The following KLHL14 variants were observed in gnomAD, a reference collection of about 807,000 sequenced individuals.
KLHL14 encodes kelch-like protein 14.
Under a neutral mutation model 64.3 loss-of-function variants are expected in KLHL14, and 22 were observed. The ratio of observed to expected loss-of-function variants is 0.34; its 90% CI spans 0.24 to 0.49. The LOEUF is 0.49. Ranked by LOEUF, KLHL14 falls within the 20% of genes least tolerant of loss-of-function variation. The pLI, the probability that KLHL14 is intolerant of heterozygous loss-of-function variation, is 0.99. For synonymous variants in KLHL14, 322 were observed against 333.4 expected (o/e 0.97, Z 0.37); for missense variants, 661 against 789.0 (o/e 0.84, Z 1.94).
chr18:32,692,149 A>T (rs1452979727), intron 4 of KLHL14, among the ~76,000 whole-genome samples: 2 of 152,104 alleles, frequency 1.3e-5, no homozygotes, highest in African/African-American at 2.4e-5. Context: ...TGAGTAGAAA[A>T]CCTTATGTGT....
rs201119339 is a variant in KLHL14, at chr18:32,720,684, A to AT, written c.1069+21243dup. Among the ~76,000 whole-genome samples the AT allele has an allele frequency of 2.3e-3, 323 of 139,672 alleles. 3 individuals carry two copies. The highest frequency in any genetic ancestry group is 7.7e-3 in the African/African-American group (298 of 38,646). 91.6% of individuals were successfully genotyped at this position (139,672 alleles called of 152,430 possible). A position where few individuals can be genotyped will look rare whatever the true frequency, so the allele number is the denominator to read the frequency against. On this transcript the variant is annotated intron_variant, in intron 3 of 8. Transcript: ENST00000359358. ...CACTAATGCTTCAAGAGTAACTAGA[A>AT]TAAAAAAGGCATCCAGGAAGTTACA... is the stretch of plus-strand genomic sequence containing the variant.
chr18:32,750,297 C>T (rs2050244872), intron 2 of KLHL14, among the ~76,000 whole-genome samples: 1 of 152,086 alleles, frequency 6.6e-6, no homozygotes, highest in South Asian at 2.1e-4. Context: ...TTTACCAGAT[C>T]TGTTATGCCT....
In KLHL14 at chr18:32,735,805, C is replaced by T. The variant is rs1390738760; in HGVS notation, c.1069+6123G>A. Reference sequence around the variant, plus strand: ...CATGGTGATATTTGTTTTGGCTCAGCGTGGTATCCTCTGTGCTTAGCACAA... The same window carrying T: ...CATGGTGATATTTGTTTTGGCTCAGTGTGGTATCCTCTGTGCTTAGCACAA... On this transcript the variant is annotated intron_variant, in intron 3 of 8. Coordinates refer to ENST00000359358, the MANE Select transcript of KLHL14 (RefSeq NM_020805.3). Among the ~76,000 whole-genome samples, 18 of 152,120 alleles carry T rather than the reference C, an allele frequency of 1.2e-4. 1 individual carries two copies. The highest frequency in any genetic ancestry group is 9.8e-4 in the Admixed American group (15 of 15,274).
At chr18:32,723,051 A>G (rs1001474163) in intron 3 of KLHL14, among the ~76,000 whole-genome samples, 11 of 152,006 alleles carry the variant, frequency 7.2e-5, no homozygotes, top group African/African-American at 2.7e-4. Context: ...TCCTCCTTCA[A>G]TGGAGGACAG....
At chr18:32,708,764 A>G (rs2050003932) in intron 3 of KLHL14, among the ~76,000 whole-genome samples, 1 of 152,170 alleles carries the variant, frequency 6.6e-6, no homozygotes, top group South Asian at 2.1e-4. Context: ...TCTGATCACA[A>G]ATCCTGGAGC....
chr18:32,697,021 A>G (rs1342690514), intron 3 of KLHL14, among the ~76,000 whole-genome samples: 1 of 152,180 alleles, frequency 6.6e-6, no homozygotes, highest in Non-Finnish European at 1.5e-5. Flanking sequence ...TAAACCTCCA[A>G]TCTGGGGCAT....
chr18:32,716,459 GGC>G (rs2050046233), intron 3 of KLHL14, among the ~76,000 whole-genome samples: 1 of 151,624 alleles, frequency 6.6e-6, no homozygotes, highest in Admixed American at 6.6e-5. Flanking sequence ...TTGTCGCCCA[GGC>G]TGGAGTGCAA....
chr18:32,760,291 T>C (rs1437704036), intron 2 of KLHL14, among the ~76,000 whole-genome samples: 1 of 151,870 alleles, frequency 6.6e-6, no homozygotes. Flanking sequence ...ATAGAAAATT[T>C]GAAGGTAGCA....
At chr18:32,684,781 C>A in intron 5 of KLHL14, among the ~76,000 whole-genome samples, 1 of 152,154 alleles carries the variant, frequency 6.6e-6, no homozygotes, top group Non-Finnish European at 1.5e-5. Flanking sequence ...AAGAGTGTCT[C>A]ATATATTTCT....
At chr18:32,734,753 T>C (rs941883241) in intron 3 of KLHL14, among the ~76,000 whole-genome samples, 2 of 152,294 alleles carry the variant, frequency 1.3e-5, no homozygotes, top group East Asian at 3.9e-4. Context: ...CCCTGTGAGG[T>C]GAGTACAATT....
chr18:32,702,367 T>C (rs2049970571), intron 3 of KLHL14, among the ~76,000 whole-genome samples: 1 of 151,180 alleles, frequency 6.6e-6, no homozygotes, highest in South Asian at 2.1e-4. Context: ...AAAAAAAGTC[T>C]TCAATTTTAT....
chr18:32,740,621 C>T lies in KLHL14; in HGVS notation c.1069+1307G>A, dbSNP rs573183113. ...TGCTTTAGCTTTTGTTTCTGACAAA[C>T]CTTTAAAATTCAGCTTGGCCACTCA... On this transcript the variant is annotated intron_variant, in intron 3 of 8. Transcript: ENST00000359358. 3.9e-5 allele frequency among the ~76,000 whole-genome samples: 6 copies of T among 152,266 alleles called. No individual in the cohort carries two copies. In the South Asian group the frequency reaches 1.0e-3, roughly 26 times the overall value.
chr18:32,693,413 C>CACAGAGAGAGAGAGAGAG (rs1229737083), intron 4 of KLHL14, among the ~76,000 whole-genome samples: 10 of 97,030 alleles, frequency 1.0e-4, no homozygotes, highest in Admixed American at 4.4e-4. Flanking sequence ...CACACACACA[C>CACAGAGAGAGAGAGAGAG]AGAGAGAGAG....
chr18:32,752,501 T>C (rs190301594), intron 2 of KLHL14, among the ~76,000 whole-genome samples: 49 of 152,314 alleles, frequency 3.2e-4, no homozygotes, highest in African/African-American at 1.1e-3. Flanking sequence ...ATAATGAGTC[T>C]TTCTCTTGTT....
chr18:32,676,532 G>A (rs556710262), intron 8 of KLHL14, among the ~76,000 whole-genome samples: 8 of 152,224 alleles, frequency 5.3e-5, no homozygotes, highest in South Asian at 4.2e-4. Context: ...GTGTATTTAC[G>A]TAAGTTAATG....
chr18:32,742,241 T>A (rs767741043), intron 2 of KLHL14, among the ~76,000 whole-genome samples, 192 bp from the exon 3 acceptor site: 11 of 152,158 alleles, frequency 7.2e-5, no homozygotes, highest in South Asian at 2.1e-4. Context: ...GAGCTGCACA[T>A]CCCCATACTC....
At chr18:32,695,693 C>T (rs1051569436) in intron 3 of KLHL14, 141 bp from the exon 4 acceptor site, 12 of 623,364 alleles carry the variant, frequency 1.9e-5, no homozygotes, top group Admixed American at 1.4e-4. Flanking sequence ...GGTGGCCAAG[C>T]CACTACTCAC....
At chr18:32,735,380 C>G (rs1234780102) in intron 3 of KLHL14, among the ~76,000 whole-genome samples, 1 of 152,060 alleles carries the variant, frequency 6.6e-6, no homozygotes, top group Non-Finnish European at 1.5e-5. Context: ...AAAGTAAAAG[C>G]CAAAATGAAA....
At position 32,739,642 on chromosome 18, in the gene KLHL14, G is replaced by GCACA. The variant is rs61442102; in HGVS notation, c.1069+2282_1069+2285dup. 1.4e-3 allele frequency among the ~76,000 whole-genome samples: 199 copies of GCACA among 147,290 alleles called. 2 individuals are homozygous for GCACA. Among genetic ancestry groups the GCACA allele is most frequent in the Middle Eastern group, 6.9e-3 (2 of 290 alleles). On this transcript the variant is annotated intron_variant, in intron 3 of 8. Transcript: ENST00000359358. Reference sequence around the variant, plus strand: ...AATATGTTCCCATTATAAGAACTTTGCACACACACACACACACACACACAC... The same window carrying GCACA: ...AATATGTTCCCATTATAAGAACTTTGCACACACACACACACACACACACACACAC...
Sources: gnomAD v4.1 joint callset for allele counts (sites outside exome capture counted in the v4.1 genomes callset) on GRCh38, gnomAD v4.1.1 for gene constraint, MANE v1.5 for transcripts, NCBI Gene and HGNC (gene_info 2026-07-23, HGNC 2026-07-21) for gene names.